The following AIG1 variants were observed in gnomAD, a reference collection of about 807,000 sequenced individuals.
AIG1 encodes androgen-induced gene 1 protein.
Under a neutral mutation model 31.4 loss-of-function variants are expected in AIG1, and 23 were observed. That is an observed-to-expected ratio of 0.73 (90% confidence interval 0.53 to 1.04). AIG1 has a LOEUF of 1.04. AIG1 is among the 50% of genes least tolerant of loss of function. The pLI is 0.00. For synonymous variants in AIG1, 100 were observed against 110.5 expected (o/e 0.90, Z 0.60); for missense variants, 274 against 295.0 (o/e 0.93, Z 0.52).
At chr6:143,285,568 T>A (rs907360223) in intron 4 of AIG1, among the ~76,000 whole-genome samples, 1 of 151,502 alleles carries the variant, frequency 6.6e-6, no homozygotes, top group Admixed American at 6.6e-5. Context: ...GAGGCTGAGG[T>A]GTTAAGAATC....
chr6:143,260,258 G>A (rs766030195), intron 3 of AIG1, among the ~76,000 whole-genome samples: 6 of 152,032 alleles, frequency 3.9e-5, no homozygotes, highest in South Asian at 2.1e-4. Context: ...TGATCCGCCC[G>A]CGTCGGCCTC....
intron 4 of AIG1, among the ~76,000 whole-genome samples, chr6:143,311,646 T>G (rs1775284396): frequency 6.6e-6 from 1 of 151,838 alleles, no homozygotes; most frequent in Non-Finnish European, 1.5e-5. Context: ...CTCAGAAGAC[T>G]ATAAATAGAA....
At position 143,293,740 on chromosome 6, in the gene AIG1, C is replaced by G. The variant is rs1798219279; in HGVS notation, c.515+9515C>G. Reference sequence around the variant, plus strand: ...CCATGTGCTATTAACCTTGCCCCACCCTGAAGTCATGTTTTATGTGGTTAT... The same window carrying G: ...CCATGTGCTATTAACCTTGCCCCACGCTGAAGTCATGTTTTATGTGGTTAT... On this transcript the variant is annotated intron_variant, in intron 4 of 5. Transcript: ENST00000357847. This position sits in a 1 kb window ranked among gnomAD's most constrained non-coding sequence, Gnocchi z 4.8. Among the ~76,000 whole-genome samples the G allele has an allele frequency of 6.6e-6, 1 of 152,118 alleles. No homozygotes were observed. Among genetic ancestry groups the G allele is most frequent in the South Asian group, 2.1e-4 (1 of 4,824 alleles).
At chr6:143,112,298 T>C (rs1032311510) in intron 1 of AIG1, among the ~76,000 whole-genome samples, 14 of 152,322 alleles carry the variant, frequency 9.2e-5, no homozygotes, top group African/African-American at 3.4e-4. Context: ...TTACTCATTC[T>C]CCAAAACTTA....
Position 143,325,240 on chromosome 6 carries a change from T to C in AIG1, c.516-8042T>C, listed in dbSNP as rs1051550451. ...AGCCCATCTTTCTTGATCTCCTTTT[T>C]AGGCTCATCATCCTTGACCTTATCC... is the stretch of plus-strand genomic sequence containing the variant. On this transcript the variant is annotated intron_variant, in intron 4 of 5. Coordinates refer to ENST00000357847, the MANE Select transcript of AIG1 (RefSeq NM_016108.4). The surrounding 1 kb of genome is among the most constrained non-coding windows in gnomAD (Gnocchi z 4.3). Among the ~76,000 whole-genome samples, 26 of 152,336 alleles carry C rather than the reference T, an allele frequency of 1.7e-4. No homozygotes were observed. The highest frequency in any genetic ancestry group is 5.1e-4 in the African/African-American group (21 of 41,570).
chr6:143,099,293 A>C (rs1780047141), intron 1 of AIG1, among the ~76,000 whole-genome samples: 1 of 152,222 alleles, frequency 6.6e-6, no homozygotes, highest in Admixed American at 6.5e-5. Flanking sequence ...CTTTCAAATG[A>C]GTTTCTAACT....
intron 2 of AIG1, among the ~76,000 whole-genome samples, chr6:143,150,928 A>T (rs1283876095): frequency 4.6e-5 from 7 of 152,182 alleles, no homozygotes; most frequent in Non-Finnish European, 1.0e-4. Context: ...AATATCTATA[A>T]TTGGTCCACA....
rs1777819779 is a variant in AIG1, at chr6:143,340,604, C to T, written c.*928C>T. 6.6e-6 allele frequency among the ~76,000 whole-genome samples: 1 copy of T among 152,098 alleles called. No individual in the cohort carries two copies. The highest frequency in any genetic ancestry group is 2.4e-5 in the African/African-American group (1 of 41,418). On this transcript the variant is annotated 3_prime_UTR_variant, in exon 6 of 6. Transcript: ENST00000357847. The stretch of plus-strand genomic sequence containing the variant: ...TCAGCCTCCCGAGTAGCTGGGACTA[C>T]AGGCGCCTGCCACACGCCCGGCTTA...
At chr6:143,147,567 G>A (rs1230142089) in intron 2 of AIG1, among the ~76,000 whole-genome samples, 1 of 152,026 alleles carries the variant, frequency 6.6e-6, no homozygotes, top group South Asian at 2.1e-4. Context: ...CCCAGGGGGC[G>A]GCTATTACAC....
chr6:143,264,208 C>T (rs943067907), intron 3 of AIG1, among the ~76,000 whole-genome samples: 12 of 152,144 alleles, frequency 7.9e-5, no homozygotes, highest in Non-Finnish European at 2.9e-5. Context: ...TTAATTTTTT[C>T]GCCCCTTTCA....
Position 143,340,512 on chromosome 6 carries a change from G to A in AIG1, c.*836G>A, listed in dbSNP as rs1433747850. Among the ~76,000 whole-genome samples the A allele has an allele frequency of 1.3e-5, 2 of 151,854 alleles. No individual in the cohort carries two copies. Among genetic ancestry groups the A allele is most frequent in the Non-Finnish European group, 2.9e-5 (2 of 68,004 alleles). The stretch of plus-strand genomic sequence containing the variant: ...GTCTCACTCTGTCGCCCAGGCTGGA[G>A]TACAGTGGCGTGATCTCAGCTCACG... On this transcript the variant is annotated 3_prime_UTR_variant, in exon 6 of 6. Transcript: ENST00000357847.
Position 143,136,993 on chromosome 6 carries a change from G to C in AIG1, c.297+3G>C. 1 of 1,394,430 alleles carries C rather than the reference G, an allele frequency of 7.2e-7. No individual in the cohort carries two copies. The highest frequency in any genetic ancestry group is 1.5e-5 in the African/African-American group (1 of 68,564). 86.4% of individuals were successfully genotyped at this position (1,394,430 alleles called of 1,614,324 possible). ...TGTTGGCCTTTCCTGTTGGGGTTGT[G>C]AGTATGATGGAGGATGCATTTAGCC... On this transcript the variant is annotated splice_donor_region_variant and intron_variant, in intron 2 of 5. Transcript: ENST00000357847.
intron 1 of AIG1, among the ~76,000 whole-genome samples, chr6:143,119,392 TG>T (rs1265473540): frequency 2.0e-5 from 3 of 152,108 alleles, no homozygotes; most frequent in Non-Finnish European, 4.4e-5. Flanking sequence ...GGGTGATACT[TG>T]GGTAGGGGGA....
intron 3 of AIG1, among the ~76,000 whole-genome samples, chr6:143,206,402 A>G (rs1364041032): frequency 6.6e-6 from 1 of 152,220 alleles, no homozygotes; most frequent in African/African-American, 2.4e-5. Flanking sequence ...ATTTAAGTGA[A>G]TAAAAATATC....
intron 3 of AIG1, among the ~76,000 whole-genome samples, chr6:143,243,738 T>C (rs1228959307): frequency 6.6e-6 from 1 of 152,226 alleles, no homozygotes; most frequent in East Asian, 1.9e-4. Context: ...TGCCACCTGG[T>C]TATGGTTCAG....
At chr6:143,080,932 GGT>G (rs1778193345) in intron 1 of AIG1, among the ~76,000 whole-genome samples, 1 of 152,182 alleles carries the variant, frequency 6.6e-6, no homozygotes, top group East Asian at 1.9e-4. Flanking sequence ...ATGTCACCAG[GGT>G]GGAATAATTC....
At chr6:143,212,111 A>G (rs1015251019) in intron 3 of AIG1, among the ~76,000 whole-genome samples, 2 of 151,772 alleles carry the variant, frequency 1.3e-5, no homozygotes, top group East Asian at 3.9e-4. Flanking sequence ...ACCAGTAACA[A>G]CCCCTCTTTC....
chr6:143,102,572 T>C (rs532134133), intron 1 of AIG1, among the ~76,000 whole-genome samples: 1 of 147,826 alleles, frequency 6.8e-6, no homozygotes, highest in African/African-American at 2.4e-5. Flanking sequence ...TATATAAATA[T>C]ATATAATATA....
intron 4 of AIG1, among the ~76,000 whole-genome samples, chr6:143,324,163 A>G (rs35355258): frequency 0.081 from 12,394 of 152,288 alleles, 899 homozygotes; most frequent in Admixed American, 0.24. Context: ...TTAAATGCAC[A>G]TGTGATGTAA....
Sources: gnomAD v4.1 joint callset for allele counts (sites outside exome capture counted in the v4.1 genomes callset) on GRCh38, gnomAD v4.1.1 for gene constraint, Gnocchi (gnomAD v3.1) non-coding constraint, MANE v1.5 for transcripts, NCBI Gene and HGNC (gene_info 2026-07-23, HGNC 2026-07-21) for gene names.